The following TOLLIP variants were observed in gnomAD, a reference collection of about 807,000 sequenced individuals.
TOLLIP encodes toll-interacting protein.
TOLLIP carries 16 observed loss-of-function variants against 33.5 expected under a neutral mutation model. The ratio of observed to expected loss-of-function variants is 0.48; its 90% CI spans 0.32 to 0.72. The LOEUF is 0.72. Ranked by LOEUF, TOLLIP falls within the 30% of genes least tolerant of loss-of-function variation. The probability of loss-of-function intolerance (pLI) is 0.03; values close to 1 mark genes in which losing one functional copy is unlikely to be tolerated. For missense variants in TOLLIP, 325 were observed against 396.6 expected, an observed-to-expected ratio of 0.82 and a Z score of 1.53; for synonymous variants, 176 against 163.7, an observed-to-expected ratio of 1.07 and a Z score of -0.57.
Position 1,295,813 on chromosome 11 carries a change from G to C in TOLLIP, c.34-19C>G. The C allele has an allele frequency of 6.5e-7, 1 of 1,538,142 alleles. No individual in the cohort carries two copies. ...TGTACACCTGCGGGGCCGGGGACCA[G>C]AGAGGCCAGTGAGTCAGGGTGGGGG... On this transcript the variant is annotated intron_variant, in intron 1 of 5. Coordinates refer to ENST00000317204, the MANE Select transcript of TOLLIP (RefSeq NM_019009.4).
At chr11:1,295,926 C>T in intron 1 of TOLLIP, 132 bp from the exon 2 acceptor site, 2 of 1,161,080 alleles carry the variant, frequency 1.7e-6, no homozygotes, top group East Asian at 5.4e-5. Flanking sequence ...CTGTGCTCAG[C>T]CTCAGTTTCC....
intron 1 of TOLLIP, among the ~76,000 whole-genome samples, chr11:1,297,442 C>T (rs756335263): frequency 3.9e-5 from 6 of 152,216 alleles, no homozygotes; most frequent in Non-Finnish European, 7.4e-5. Flanking sequence ...ATCCAGGCAC[C>T]GCTTCGAGCA....
At chr11:1,296,425 G>T (rs886779569) in intron 1 of TOLLIP, among the ~76,000 whole-genome samples, 5 of 152,234 alleles carry the variant, frequency 3.3e-5, no homozygotes, top group African/African-American at 1.2e-4. Context: ...GGCCCAGGCA[G>T]GACAATGCCA....
chr11:1,287,848 C>T lies in TOLLIP; in HGVS notation c.519+776G>A, dbSNP rs867185697. 8.9e-5 allele frequency among the ~76,000 whole-genome samples: 11 copies of T among 123,566 alleles called. 3 individuals are homozygous for T. Among genetic ancestry groups the T allele is most frequent in the South Asian group, 5.9e-4 (2 of 3,362 alleles). 81.1% of individuals were successfully genotyped at this position (123,566 alleles called of 152,430 possible). Reference sequence around the variant, plus strand: ...GCCGCACCCTCCCCGCCGCAGCCTCCCTGCCGCACCCTCTCTGCTGCAGCC... The same window carrying T: ...GCCGCACCCTCCCCGCCGCAGCCTCTCTGCCGCACCCTCTCTGCTGCAGCC... On this transcript the variant is annotated intron_variant, in intron 4 of 5. Transcript: ENST00000317204.
chr11:1,289,803 A>G (rs1201022061), intron 3 of TOLLIP, among the ~76,000 whole-genome samples: 3 of 147,942 alleles, frequency 2.0e-5, no homozygotes, highest in Admixed American at 2.0e-4. Flanking sequence ...GTGAGCGGCC[A>G]GACGAGTGCC....
intron 5 of TOLLIP, among the ~76,000 whole-genome samples, chr11:1,285,235 C>T (rs952319445): frequency 3.9e-5 from 6 of 152,362 alleles, no homozygotes; most frequent in East Asian, 1.9e-4. Flanking sequence ...CTCCACCCTC[C>T]GTGCAGAGGG....
At chr11:1,305,331 A>G (rs959271575) in intron 1 of TOLLIP, among the ~76,000 whole-genome samples, 12 of 152,250 alleles carry the variant, frequency 7.9e-5, no homozygotes, top group Non-Finnish European at 1.6e-4. Flanking sequence ...TCCCAGGAGC[A>G]GCCCACCAGA....
Position 1,303,433 on chromosome 11 carries a change from A to G in TOLLIP, c.33+6033T>C, listed in dbSNP as rs1590230371. 6.6e-6 allele frequency among the ~76,000 whole-genome samples: 1 copy of G among 152,222 alleles called. No individual in the cohort carries two copies. Among genetic ancestry groups the G allele is most frequent in the African/African-American group, 2.4e-5 (1 of 41,466 alleles). ...GTGTCACTGTGTGCCTGAGGCTTCCATGGTGAGGTGCTGGGGCACCCCTGC... is the reference window on the plus strand; with the variant it reads ...GTGTCACTGTGTGCCTGAGGCTTCCGTGGTGAGGTGCTGGGGCACCCCTGC... On this transcript the variant is annotated intron_variant, in intron 1 of 5. Coordinates refer to ENST00000317204, the MANE Select transcript of TOLLIP (RefSeq NM_019009.4). The surrounding 1 kb of genome is among the most constrained non-coding windows in gnomAD (Gnocchi z 4.2).
Position 1,295,760 on chromosome 11 carries a change from C to A in TOLLIP, c.68G>T (p.Arg23Leu), listed in dbSNP as rs747426885. The A allele has an allele frequency of 6.9e-6, 11 of 1,598,174 alleles. No individual in the cohort carries two copies. The highest frequency in any genetic ancestry group is 9.4e-6 in the Non-Finnish European group (11 of 1,172,784). ...CCGCTGCTGCTGTGTGGGCGTGATG[C>A]GGAGGAAGTCCTGCGGGAGCTCACC... ...YIGELPQDFL[R>L]ITPTQQQRQV... The change falls in exon 2 of 6, where the codon CGC becomes CTC. Residue 23 changes from arginine (R) to leucine (L), a missense_variant. Coordinates refer to ENST00000317204, the MANE Select transcript of TOLLIP (RefSeq NM_019009.4).
At chr11:1,306,863 C>G (rs528596551) in intron 1 of TOLLIP, among the ~76,000 whole-genome samples, 1 of 152,218 alleles carries the variant, frequency 6.6e-6, no homozygotes, top group East Asian at 1.9e-4. Context: ...CCCCACACCT[C>G]TCTTTCCGTG....
In TOLLIP at chr11:1,278,751, C is replaced by T. The variant is rs150377920; in HGVS notation, c.611-1498G>A. 1.6e-4 allele frequency among the ~76,000 whole-genome samples: 24 copies of T among 152,234 alleles called. No homozygotes were observed. Among genetic ancestry groups the T allele is most frequent in the African/African-American group, 2.2e-4 (9 of 41,464 alleles). The stretch of plus-strand genomic sequence containing the variant: ...ATGCTCATCAGCCTTTCGGCAATGA[C>T]GGAAAACGAACCGAACCATGGCCAG... On this transcript the variant is annotated intron_variant, in intron 5 of 5. Transcript: ENST00000317204. The surrounding 1 kb of genome is among the most constrained non-coding windows in gnomAD (Gnocchi z 4.7).
At position 1,305,415 on chromosome 11, in the gene TOLLIP, C is replaced by T. The variant is rs757740465; in HGVS notation, c.33+4051G>A. Among the ~76,000 whole-genome samples the T allele has an allele frequency of 1.1e-4, 17 of 152,172 alleles. 1 individual carries two copies. The highest frequency in any genetic ancestry group is 2.2e-4 in the Non-Finnish European group (15 of 68,040). ...GAAAATCCACGGGCTCTTCACAACA[C>T]TCAGGGGAGAGAAAGCCCACACACA... On this transcript the variant is annotated intron_variant, in intron 1 of 5. Coordinates refer to ENST00000317204, the MANE Select transcript of TOLLIP (RefSeq NM_019009.4).
In TOLLIP at chr11:1,290,569, A is replaced by C. The variant is rs943646449; in HGVS notation, c.184-160T>G. Reference sequence around the variant, plus strand: ...TGAACACGGCTGTGACCTGCTTCCCAGGAGGCCAGGAGCAAGAAGAGTGAG... The same window carrying C: ...TGAACACGGCTGTGACCTGCTTCCCCGGAGGCCAGGAGCAAGAAGAGTGAG... On this transcript the variant is annotated intron_variant, in intron 2 of 5. Coordinates refer to ENST00000317204, the MANE Select transcript of TOLLIP (RefSeq NM_019009.4). The surrounding 1 kb of genome is among the most constrained non-coding windows in gnomAD (Gnocchi z 4.9). Among the ~76,000 whole-genome samples, 4 of 152,168 alleles carry C rather than the reference A, an allele frequency of 2.6e-5. No homozygotes were observed. The highest frequency in any genetic ancestry group is 9.7e-5 in the African/African-American group (4 of 41,426).
At position 1,286,037 on chromosome 11, in the gene TOLLIP, A is replaced by T; in HGVS notation, c.575T>A (p.Val192Glu). ...CACATAGCCAACGCCCTGCTGGTAC[A>T]CTGTTGGCATCAGGACCACGGGCTG... Reference protein sequence around the residue: ...PPQPVVLMPTVYQQGVGYVPI... With the variant: ...PPQPVVLMPTEYQQGVGYVPI... Residue 192 changes from valine (V) to glutamate (E), a missense_variant, in exon 5 of 6, where the codon GTG (valine) becomes GAG (glutamate). Physicochemically the swap from Val to Glu is moderately radical, Grantham distance 121. Coordinates refer to ENST00000317204, the MANE Select transcript of TOLLIP (RefSeq NM_019009.4). 1 of 1,600,116 alleles carries T rather than the reference A, an allele frequency of 6.2e-7. No individual in the cohort carries two copies. The highest frequency in any genetic ancestry group is 8.5e-7 in the Non-Finnish European group (1 of 1,174,616).
rs981453932 is a variant in TOLLIP at position 1,275,109 on chromosome 11, G to A, written c.*1930C>T. On this transcript the variant is annotated 3_prime_UTR_variant, in exon 6 of 6. Transcript: ENST00000317204. ...GGCGGCAAGCGTGGTCATCGGCAAA[G>A]GGTTGCTCTCCCTCCAGCGAGGCTG... The A allele has an allele frequency of 1.3e-5, 2 of 152,250 alleles. No homozygotes were observed. The highest frequency in any genetic ancestry group is 4.8e-5 in the African/African-American group (2 of 41,480). 9.4% of individuals were successfully genotyped at this position (152,250 alleles called of 1,614,324 possible). A position where few individuals can be genotyped will look rare whatever the true frequency, so the allele number is the denominator to read the frequency against.
intron 2 of TOLLIP, among the ~76,000 whole-genome samples, chr11:1,293,024 G>A (rs1231660753): frequency 6.6e-6 from 1 of 152,244 alleles, no homozygotes; most frequent in Non-Finnish European, 1.5e-5. Context: ...CTCTGGCCAC[G>A]CTGCAGGGGC....
At chr11:1,309,302 G>A (rs1362167762) in intron 1 of TOLLIP, among the ~76,000 whole-genome samples, 164 bp downstream of exon 1, 2 of 151,896 alleles carry the variant, frequency 1.3e-5, no homozygotes, top group African/African-American at 2.4e-5. Context: ...CCCGCCCCGA[G>A]GTGTGGACGC....
At chr11:1,308,217 G>A (rs1185054405) in intron 1 of TOLLIP, among the ~76,000 whole-genome samples, 1 of 152,234 alleles carries the variant, frequency 6.6e-6, no homozygotes, top group Non-Finnish European at 1.5e-5. Flanking sequence ...GGCAGGGTGG[G>A]TGTGTGGGTC....
At chr11:1,284,052 A>G (rs1466263505) in intron 5 of TOLLIP, among the ~76,000 whole-genome samples, 2 of 152,210 alleles carry the variant, frequency 1.3e-5, no homozygotes, top group African/African-American at 4.8e-5. Flanking sequence ...GGGCTGTCCC[A>G]GTTACAAATC....
Sources: allele counts gnomAD v4.1 joint callset (sites outside exome capture counted in the v4.1 genomes callset), GRCh38; gene constraint gnomAD v4.1.1; non-coding constraint Gnocchi (gnomAD v3.1); transcripts MANE v1.5; gene names NCBI Gene and HGNC (gene_info 2026-07-23, HGNC 2026-07-21).